Variants in RASGRF1 observed in about 807,000 individuals in gnomAD.
RASGRF1 encodes Ras protein specific guanine nucleotide releasing factor 1.
In RASGRF1, 40 loss-of-function variants were observed where a neutral mutation model predicts 138.7. That is an observed-to-expected ratio of 0.29 (90% CI 0.22 to 0.38). The LOEUF is 0.38. Ranked by LOEUF, RASGRF1 falls within the 10% of genes least tolerant of loss-of-function variation. The pLI is 1.00. For synonymous variants in RASGRF1, 614 were observed against 663.2 expected (o/e 0.93, Z 1.14); for missense variants, 1,108 against 1,650.4 (o/e 0.67, Z 5.69).
At chr15:79,000,265 T>C (rs1052236138) in intron 16 of RASGRF1, among the ~76,000 whole-genome samples, 6 of 152,236 alleles carry the variant, frequency 3.9e-5, no homozygotes, top group African/African-American at 1.4e-4. Flanking sequence ...TGAGTTTTCT[T>C]ACCCTCTCAG....
At chr15:79,058,252 A>T (rs2057536405) in intron 3 of RASGRF1, 82 bp downstream of exon 3, 1 of 1,537,986 alleles carries the variant, frequency 6.5e-7, no homozygotes, top group Non-Finnish European at 8.8e-7. Context: ...CCTGCCTGTC[A>T]TGTGGCTCCC....
At chr15:79,040,809 C>G (rs1165506253) in intron 5 of RASGRF1, among the ~76,000 whole-genome samples, 1 of 152,244 alleles carries the variant, frequency 6.6e-6, no homozygotes, top group Non-Finnish European at 1.5e-5. Flanking sequence ...CATTGCAACT[C>G]TTTAAGGGGA....
intron 26 of RASGRF1, among the ~76,000 whole-genome samples, chr15:78,964,581 G>T (rs371310596): frequency 5.8e-4 from 89 of 152,344 alleles, no homozygotes; most frequent in African/African-American, 2.1e-3. Context: ...CCAGGGCCCA[G>T]TGTGACCACG....
intron 1 of RASGRF1, among the ~76,000 whole-genome samples, chr15:79,072,510 C>T (rs1330598925): frequency 2.6e-5 from 4 of 151,412 alleles, no homozygotes; most frequent in South Asian, 4.2e-4. Flanking sequence ...CTCCTGACCT[C>T]GTGATCCGCC....
chr15:79,068,884 C>G (rs879441177), intron 1 of RASGRF1, among the ~76,000 whole-genome samples: 2 of 152,140 alleles, frequency 1.3e-5, no homozygotes, highest in South Asian at 4.1e-4. Flanking sequence ...GCAGGCTGAA[C>G]CCCAGCAGAG....
intron 12 of RASGRF1, among the ~76,000 whole-genome samples, chr15:79,016,307 C>T (rs2056878085): frequency 6.6e-6 from 1 of 152,240 alleles, no homozygotes; most frequent in Non-Finnish European, 1.5e-5. Flanking sequence ...CAGGCCCAGA[C>T]TTCTGGGCAA....
intron 3 of RASGRF1, among the ~76,000 whole-genome samples, chr15:79,052,392 C>A (rs2141036356): frequency 6.6e-6 from 1 of 152,340 alleles, no homozygotes; most frequent in East Asian, 1.9e-4. Context: ...GCAGGTGCCA[C>A]ACAGCTCAGC....
intron 20 of RASGRF1, among the ~76,000 whole-genome samples, chr15:78,993,295 GTGTGGTCT>G (rs2056318076): frequency 6.7e-6 from 1 of 149,090 alleles, no homozygotes; most frequent in Admixed American, 6.7e-5. Context: ...GTGTCTGTGT[GTGTGGTCT>G]GGTGTGTGTG....
rs370804795 is a variant in RASGRF1 at position 78,965,863 on chromosome 15, A to G, written c.3682-3627T>C. Among the ~76,000 whole-genome samples the G allele has an allele frequency of 6.6e-5, 10 of 152,300 alleles. No homozygotes were observed. In the East Asian group the frequency reaches 1.9e-3, roughly 29 times the overall value. ...GAAACTCCGTCTCAAAAATAAAATA[A>G]AAGAATCTCATGTTACAGTTGAGGC... On this transcript the variant is annotated intron_variant, in intron 26 of 26. Coordinates refer to ENST00000558480, the MANE Select transcript of RASGRF1 (RefSeq NM_001145648.3).
chr15:78,982,924 AAAG>A (rs754734819), intron 23 of RASGRF1, among the ~76,000 whole-genome samples: 43 of 152,260 alleles, frequency 2.8e-4, no homozygotes, highest in African/African-American at 9.9e-4. Flanking sequence ...AGAGGGGTTA[AAAG>A]AAGAAAGGGG....
chr15:78,963,235 T>G (rs2141580823), intron 26 of RASGRF1, among the ~76,000 whole-genome samples: 1 of 152,338 alleles, frequency 6.6e-6, no homozygotes, highest in East Asian at 1.9e-4. Flanking sequence ...ACTTATTTAC[T>G]TGTCAGTTGT....
chr15:78,962,163 T>C lies in RASGRF1; in HGVS notation c.3755A>G (p.Glu1252Gly). ...ESLYESSLRI[E>G]PKLPT ...TCAGCTTCAGGTGGGGAGTTTTGGT[T>C]CTATTCGGAGAGAAGACTCGTAGAG... The change falls in exon 27 of 27, where the codon GAA (glutamate) becomes GGA (glycine). Residue 1252 changes from glutamate to glycine, a missense_variant. Transcript: ENST00000558480. 6.3e-7 allele frequency: 1 copy of C among 1,582,418 alleles called. No homozygotes were observed. Among genetic ancestry groups the C allele is most frequent in the Non-Finnish European group, 8.6e-7 (1 of 1,158,164 alleles).
intron 5 of RASGRF1, among the ~76,000 whole-genome samples, chr15:79,038,887 G>T (rs1193053052): frequency 6.6e-6 from 1 of 151,946 alleles, no homozygotes; most frequent in Non-Finnish European, 1.5e-5. Context: ...GTTTGCTTTG[G>T]TGTACGATAT....
Position 79,065,451 on chromosome 15 carries a change from G to A in RASGRF1, c.277-925C>T, listed in dbSNP as rs146701025. 3.2e-3 allele frequency among the ~76,000 whole-genome samples: 493 copies of A among 152,216 alleles called. 1 individual carries two copies. The highest frequency in any genetic ancestry group is 0.011 in the African/African-American group (445 of 41,522). ...TGGGGTGCAGCTGAGAGGAGGAGCC[G>A]TGGGAGGAGAGAGCAGCAGGGACAA... On this transcript the variant is annotated intron_variant, in intron 1 of 26. Coordinates refer to ENST00000558480, the MANE Select transcript of RASGRF1 (RefSeq NM_001145648.3).
intron 22 of RASGRF1, 49 bp from the exon 23 acceptor site, chr15:78,985,253 A>G (rs763694663): frequency 4.1e-6 from 6 of 1,481,090 alleles, no homozygotes; most frequent in South Asian, 3.6e-5. Context: ...AAGTATTGCA[A>G]AGATGATAAA....
In RASGRF1 at chr15:79,032,460, G is replaced by T. The variant is rs1334542604; in HGVS notation, c.959-144C>A. 1 of 738,290 alleles carries T rather than the reference G, an allele frequency of 1.4e-6. No homozygotes were observed. 45.7% of individuals were successfully genotyped at this position (738,290 alleles called of 1,614,324 possible). On this transcript the variant is annotated intron_variant, in intron 6 of 26. Coordinates refer to ENST00000558480, the MANE Select transcript of RASGRF1 (RefSeq NM_001145648.3). The surrounding 1 kb of genome is among the most constrained non-coding windows in gnomAD (Gnocchi z 4.5). ...CCCCAGAGACATCTCTGCTCTTGGGGATGACTCCAGTACCACTGCCCTATC... is the reference window on the plus strand; with the variant it reads ...CCCCAGAGACATCTCTGCTCTTGGGTATGACTCCAGTACCACTGCCCTATC...
At chr15:79,013,406 TA>T (rs1198175580) in intron 13 of RASGRF1, among the ~76,000 whole-genome samples, 6 of 152,268 alleles carry the variant, frequency 3.9e-5, no homozygotes, top group African/African-American at 1.4e-4. Flanking sequence ...CTGCCTCGGC[TA>T]GCTCCTGGCA....
intron 1 of RASGRF1, among the ~76,000 whole-genome samples, chr15:79,084,598 C>T (rs2057955193): frequency 6.6e-6 from 1 of 152,230 alleles, no homozygotes; most frequent in Admixed American, 6.5e-5. Context: ...CCTCTCAGCA[C>T]ACACCACCCA....
chr15:79,059,180 T>G lies in RASGRF1; in HGVS notation c.384-699A>C, dbSNP rs140749731. On this transcript the variant is annotated intron_variant, in intron 2 of 26. Transcript: ENST00000558480. ...TATCCTTCCCTTCCCTTCCCTATCCTTCCCTTCCCTTTCCTTCCCTATCTT... is the reference window on the plus strand; with the variant it reads ...TATCCTTCCCTTCCCTTCCCTATCCGTCCCTTCCCTTTCCTTCCCTATCTT... Among the ~76,000 whole-genome samples, 512 of 148,532 alleles carry G rather than the reference T, an allele frequency of 3.4e-3. 5 individuals are homozygous for G. Among genetic ancestry groups the G allele is most frequent in the African/African-American group, 0.012 (493 of 39,710 alleles).
Sources: gnomAD v4.1 joint callset for allele counts (sites outside exome capture counted in the v4.1 genomes callset) on GRCh38, gnomAD v4.1.1 for gene constraint, Gnocchi (gnomAD v3.1) non-coding constraint, MANE v1.5 for transcripts, NCBI Gene and HGNC (gene_info 2026-07-23, HGNC 2026-07-21) for gene names.